SLC9A7: variants seen among roughly 807,000 people sequenced by gnomAD.
SLC9A7 encodes solute carrier family 9 member A7, also known as sodium/hydrogen exchanger 7.
Under a neutral mutation model 52.6 loss-of-function variants are expected in SLC9A7, and 19 were observed. The observed-to-expected ratio is 0.36, with a 90% CI of 0.25 to 0.53. SLC9A7 has a LOEUF of 0.53. Ranked by LOEUF, SLC9A7 falls within the 20% of genes least tolerant of loss-of-function variation. The pLI is 0.91. For missense variants in SLC9A7, 455 were observed against 597.9 expected (o/e 0.76, Z 2.49); for synonymous variants, 226 against 252.1 (o/e 0.90, Z 0.98).
At chrX:46,657,492 G>A (rs1451279284) in intron 7 of SLC9A7, among the ~76,000 whole-genome samples, 2 of 110,023 alleles carry the variant, frequency 1.8e-5, no homozygotes, top group African/African-American at 6.6e-5. Context: ...CACGTGCAGA[G>A]ACACACATAG....
chrX:46,717,375 A>G (rs1467319942), intron 1 of SLC9A7, among the ~76,000 whole-genome samples: 1 of 111,958 alleles, frequency 8.9e-6, no homozygotes, highest in Non-Finnish European at 1.9e-5. Flanking sequence ...ATACTGATGT[A>G]GGGTCATCCA....
At chrX:46,704,914 C>T (rs1944582132) in intron 1 of SLC9A7, among the ~76,000 whole-genome samples, 1 of 111,700 alleles carries the variant, frequency 9.0e-6, no homozygotes, top group Non-Finnish European at 1.9e-5. Flanking sequence ...GCTGTAACAA[C>T]CACCACAAAA....
intron 16 of SLC9A7, among the ~76,000 whole-genome samples, chrX:46,612,924 C>CAAAAAAAAAAAA (rs57833520): frequency 9.2e-5 from 3 of 32,477 alleles, no homozygotes; most frequent in Non-Finnish European, 1.5e-4. Flanking sequence ...GACTCCGTCT[C>CAAAAAAAAAAAA]AAAAAAAAAA....
At chrX:46,734,269 G>A (rs761403660) in intron 1 of SLC9A7, among the ~76,000 whole-genome samples, 6 of 110,890 alleles carry the variant, frequency 5.4e-5, no homozygotes, top group African/African-American at 1.3e-4. Flanking sequence ...ACACACATAC[G>A]TTTAAAGTAA....
At chrX:46,636,244 C>A (rs960922244) in intron 12 of SLC9A7, among the ~76,000 whole-genome samples, 2 of 111,401 alleles carry the variant, frequency 1.8e-5, no homozygotes, top group Admixed American at 9.5e-5. Flanking sequence ...TTGACATGGT[C>A]CACCTTCACC....
intron 1 of SLC9A7, among the ~76,000 whole-genome samples, chrX:46,690,230 C>G (rs1944362328): frequency 8.9e-6 from 1 of 112,126 alleles, no homozygotes; most frequent in African/African-American, 3.2e-5. Context: ...GCTCCACATC[C>G]TCATCCACAT....
At position 46,636,718 on chromosome X, in the gene SLC9A7, G is replaced by C. The variant is rs5952916; in HGVS notation, c.1617-1070C>G. ...ACAGCACAGACAGAGATGCATAGCAGATCTGTGATATTCAAATTTCACTGG... is the reference window on the plus strand; with the variant it reads ...ACAGCACAGACAGAGATGCATAGCACATCTGTGATATTCAAATTTCACTGG... On this transcript the variant is annotated intron_variant, in intron 12 of 16. Transcript: ENST00000616978. Among the ~76,000 whole-genome samples the C allele has an allele frequency of 8.7e-3, 971 of 111,271 alleles. 13 individuals are homozygous for C. The highest frequency in any genetic ancestry group is 0.03 in the African/African-American group (917 of 30,652).
intron 14 of SLC9A7, among the ~76,000 whole-genome samples, chrX:46,626,311 G>A (rs1185405532): frequency 8.9e-6 from 1 of 111,856 alleles, no homozygotes; most frequent in Non-Finnish European, 1.9e-5. Flanking sequence ...GTCTCGCTGT[G>A]TCACCCAGGC....
chrX:46,635,206 C>A (rs965273556), intron 13 of SLC9A7, among the ~76,000 whole-genome samples: 1 of 111,742 alleles, frequency 8.9e-6, no homozygotes, highest in East Asian at 2.8e-4. Context: ...AATTCTAGTT[C>A]TCTTTATGAA....
At chrX:46,755,642 G>A (rs1211269259) in intron 1 of SLC9A7, among the ~76,000 whole-genome samples, 1 of 109,505 alleles carries the variant, frequency 9.1e-6, no homozygotes, top group Non-Finnish European at 1.9e-5. Flanking sequence ...GGCCAAGATG[G>A]TGAAACCCAA....
chrX:46,742,097 T>C lies in SLC9A7; in HGVS notation c.325+16608A>G, dbSNP rs1921394178. On this transcript the variant is annotated intron_variant, in intron 1 of 16. Coordinates refer to ENST00000616978, the MANE Select transcript of SLC9A7 (RefSeq NM_001257291.2). ...AGATACTGCTATTCATCTATTAGAA[T>C]AGCTAAAATTAAAAATGCTAACAAT... 3.6e-5 allele frequency among the ~76,000 whole-genome samples: 4 copies of C among 111,557 alleles called. No individual in the cohort carries two copies. In the Admixed American group the frequency reaches 3.8e-4, roughly 11 times the overall value.
intron 1 of SLC9A7, among the ~76,000 whole-genome samples, chrX:46,742,088 C>A (rs1472993511): frequency 5.4e-5 from 6 of 111,509 alleles, no homozygotes; most frequent in African/African-American, 1.3e-4. Flanking sequence ...TGCTATTCAT[C>A]TATTAGAATA....
At position 46,603,498 on chromosome X, in the gene SLC9A7, C is replaced by T. The variant is rs1203972809; in HGVS notation, c.*3454G>A. ...GGAAACTGGGTGGTTATTTTTCTTC[C>T]CTAAGAGAGTCATTTCTTGTAATCT... On this transcript the variant is annotated 3_prime_UTR_variant, in exon 17 of 17. Transcript: ENST00000616978. The T allele has an allele frequency of 1.8e-5, 2 of 111,915 alleles. No individual in the cohort carries two copies. Among genetic ancestry groups the T allele is most frequent in the East Asian group, 5.6e-4 (2 of 3,588 alleles). The allele number at this position is 111,915 out of a possible 1,213,427, so 9.2% of individuals were successfully genotyped here. A position where few individuals can be genotyped will look rare whatever the true frequency, so the allele number is the denominator to read the frequency against.
chrX:46,631,625 G>A lies in SLC9A7; in HGVS notation c.1701C>T (p.Asp567=). 8.3e-7 allele frequency: 1 copy of A among 1,209,511 alleles called. No homozygotes were observed. Among genetic ancestry groups the A allele is most frequent in the Non-Finnish European group, 1.1e-6 (1 of 893,799 alleles). The change falls in exon 14 of 17, where the codon GAC becomes GAT. Residue 567 remains aspartate, a synonymous_variant. Transcript: ENST00000616978. ...GAAAGCTGTCGTTGTTGGGTGGTGGGTCTTGATCGGGGTCAACACCAACTC... is the reference window on the plus strand; with the variant it reads ...GAAAGCTGTCGTTGTTGGGTGGTGGATCTTGATCGGGGTCAACACCAACTC... ...YFRVGVDPDQ[D]PPPNNDSFQV...
chrX:46,723,150 A>G (rs928855372), intron 1 of SLC9A7, among the ~76,000 whole-genome samples: 6 of 109,724 alleles, frequency 5.5e-5, no homozygotes, highest in Non-Finnish European at 1.1e-4. Flanking sequence ...TCACCACCAC[A>G]TATATAACAG....
At chrX:46,642,188 C>CT (rs1405631010) in intron 12 of SLC9A7, among the ~76,000 whole-genome samples, 13 of 112,593 alleles carry the variant, frequency 1.2e-4, no homozygotes, top group African/African-American at 3.2e-4. Context: ...CCAAGGATGA[C>CT]TGGGAGATCT....
chrX:46,665,071 G>A (rs1198340192), intron 5 of SLC9A7, among the ~76,000 whole-genome samples: 5 of 111,076 alleles, frequency 4.5e-5, no homozygotes, highest in Non-Finnish European at 9.4e-5. Context: ...GTGGGATGTG[G>A]GTGCTGACAA....
At chrX:46,636,704 A>G (rs1943325851) in intron 12 of SLC9A7, among the ~76,000 whole-genome samples, 1 of 111,522 alleles carries the variant, frequency 9.0e-6, no homozygotes, top group Non-Finnish European at 1.9e-5. Context: ...CAGCACAGAC[A>G]GAGATGCATA....
At position 46,605,608 on chromosome X, in the gene SLC9A7, T is replaced by G. The variant is rs992476241; in HGVS notation, c.*1344A>C. The G allele has an allele frequency of 8.9e-6, 1 of 112,005 alleles. No homozygotes were observed. The allele number at this position is 112,005 out of a possible 1,213,427, so 9.2% of individuals were successfully genotyped here. A position where few individuals can be genotyped will look rare whatever the true frequency, so the allele number is the denominator to read the frequency against. On this transcript the variant is annotated 3_prime_UTR_variant, in exon 17 of 17. Coordinates refer to ENST00000616978, the MANE Select transcript of SLC9A7 (RefSeq NM_001257291.2). ...TCCTCAGGTGGCCACTGAAATCTCATGCATTCGTCGGCTCAAAGTTTGGAA... is the reference window on the plus strand; with the variant it reads ...TCCTCAGGTGGCCACTGAAATCTCAGGCATTCGTCGGCTCAAAGTTTGGAA...
Sources: allele counts gnomAD v4.1 joint callset (sites outside exome capture counted in the v4.1 genomes callset), GRCh38; gene constraint gnomAD v4.1.1; transcripts MANE v1.5; gene names NCBI Gene and HGNC (gene_info 2026-07-23, HGNC 2026-07-21).